ZNF717: variants seen among roughly 807,000 people sequenced by gnomAD.
ZNF717 encodes the protein zinc finger protein 717, also known as krueppel-like factor X17.
A neutral mutation model predicts 13.8 loss-of-function variants in ZNF717; 9 were observed. That is an observed-to-expected ratio of 0.65 (90% CI 0.39 to 1.14). The LOEUF is 1.14. Ranked by LOEUF, ZNF717 falls within the 50% of genes most tolerant of loss-of-function variation. The pLI, the probability that ZNF717 is intolerant of heterozygous loss-of-function variation, is 0.01. For missense variants in ZNF717, 1,040 were observed against 1,080.7 expected (o/e 0.96, Z 0.53); for synonymous variants, 327 against 364.1 (o/e 0.90, Z 1.16).
chr3:75,747,479 T>A (rs1283805881), intron 2 of ZNF717, among the ~76,000 whole-genome samples: 1 of 152,200 alleles, frequency 6.6e-6, no homozygotes, highest in Non-Finnish European at 1.5e-5. Context: ...ATATTGATTC[T>A]TCCTATCCAT....
downstream of ZNF717, among the ~76,000 whole-genome samples, chr3:75,735,487 G>T (rs1321713012): frequency 8.6e-5 from 1 of 11,576 alleles, no homozygotes; most frequent in Non-Finnish European, 1.8e-4. Context: ...CAGGTATTGT[G>T]GTGCATACTT....
Position 75,738,644 on chromosome 3 carries a change from T to G in ZNF717, c.979A>C (p.Ile327Leu). 1 of 1,552,776 alleles carries G rather than the reference T, an allele frequency of 6.4e-7. No individual in the cohort carries two copies. The highest frequency in any genetic ancestry group is 8.7e-7 in the Non-Finnish European group (1 of 1,147,734). Residue 327 changes from isoleucine (I) to leucine (L), a missense_variant, in exon 5 of 5, where the codon ATT becomes CTT. Ile to Leu is a conservative substitution (Grantham distance 5). Coordinates refer to ENST00000652011, the MANE Select transcript of ZNF717 (RefSeq NM_001290208.3). Reference sequence around the variant, plus strand: ...CCTGTGTGAATTCTCTGATGGATAATGAGGCTGGACTTATAGCTGAACAAT... The same window carrying G: ...CCTGTGTGAATTCTCTGATGGATAAGGAGGCTGGACTTATAGCTGAACAAT... ...EKLFSYKSSL[I>L]IHQRIHTGEK...
rs76333414 is a variant in ZNF717 at position 75,738,307 on chromosome 3, G to A, written c.1316C>T (p.Thr439Ile). 1 of 1,546,992 alleles carries A rather than the reference G, an allele frequency of 6.5e-7. No homozygotes were observed. The highest frequency in any genetic ancestry group is 1.2e-5 in the South Asian group (1 of 84,372). The part of the protein sequence containing the change: ...EEAFSHKSRL[T>I]VHQRTHTGEK... ...CCCTGTGTGTGTTCTCTGATGGACA[G>A]TAAGCCTTGACTTATGGCTAAATGC... Residue 439 changes from threonine to isoleucine, a missense_variant, in exon 5 of 5, where the codon ACT (threonine) becomes ATT (isoleucine). Coordinates refer to ENST00000652011, the MANE Select transcript of ZNF717 (RefSeq NM_001290208.3).
At chr3:75,754,459 G>A (rs971334986) in intron 2 of ZNF717, among the ~76,000 whole-genome samples, 1 of 152,004 alleles carries the variant, frequency 6.6e-6, no homozygotes, top group Non-Finnish European at 1.5e-5. Flanking sequence ...TATGCTAAGG[G>A]CTCTAATGAA....
intron 2 of ZNF717, among the ~76,000 whole-genome samples, chr3:75,753,317 C>T (rs1405797571): frequency 1.3e-5 from 2 of 151,692 alleles, no homozygotes; most frequent in Admixed American, 6.6e-5. Context: ...TTGTCCCTCA[C>T]ATAGGATTAC....
chr3:75,736,875 T>A lies in ZNF717; in HGVS notation c.*3A>T. 2 of 1,540,884 alleles carry A rather than the reference T, an allele frequency of 1.3e-6. No individual in the cohort carries two copies. The highest frequency in any genetic ancestry group is 1.8e-6 in the Non-Finnish European group (2 of 1,142,076). ...AGTAGCCAGAGAGGTGTAGGTTGTG[T>A]GTTCAAGGGAAAAAAGAGTGATTTT... On this transcript the variant is annotated 3_prime_UTR_variant, in exon 5 of 5. Coordinates refer to ENST00000652011, the MANE Select transcript of ZNF717 (RefSeq NM_001290208.3).
chr3:75,701,335 C>G (rs1163433264), intron 6 of ZNF717, among the ~76,000 whole-genome samples: 2 of 152,258 alleles, frequency 1.3e-5, no homozygotes, highest in African/African-American at 4.8e-5. Flanking sequence ...GCCTCCCCAG[C>G]CATTTGGAAC....
chr3:75,726,922 C>T (rs1938292958), downstream of ZNF717, among the ~76,000 whole-genome samples: 1 of 152,292 alleles, frequency 6.6e-6, no homozygotes, highest in South Asian at 2.1e-4. Flanking sequence ...AGTCATGTGC[C>T]TCATAATGAA....
chr3:75,737,341 T>C lies in ZNF717; in HGVS notation c.2282A>G (p.Asn761Ser). 1 of 1,552,628 alleles carries C rather than the reference T, an allele frequency of 6.4e-7. No individual in the cohort carries two copies. Among genetic ancestry groups the C allele is most frequent in the East Asian group, 2.4e-5 (1 of 40,940 alleles). The change falls in exon 5 of 5, where the codon AAT becomes AGT. Residue 761 changes from asparagine (N) to serine (S), a missense_variant. Transcript: ENST00000652011. The part of the protein sequence containing the change: ...THTGEKPYEC[N>S]ECGKTFCHKS... ...GTGACAAAAGGTTTTCCCACACTCA[T>C]TACATTCATAAGGTTTTTCTCCGGT...
Position 75,737,993 on chromosome 3 carries a change from A to G in ZNF717, c.1630T>C (p.Tyr544His), listed in dbSNP as rs1402955635. 1 of 1,344,636 alleles carries G rather than the reference A, an allele frequency of 7.4e-7. No individual in the cohort carries two copies. Among genetic ancestry groups the G allele is most frequent in the East Asian group, 3.2e-5 (1 of 31,216 alleles). 83.3% of individuals were successfully genotyped at this position (1,344,636 alleles called of 1,614,324 possible). A position where few individuals can be genotyped will look rare whatever the true frequency, so the allele number is the denominator to read the frequency against. Residue 544 changes from tyrosine (Y) to histidine (H), a missense_variant, in exon 5 of 5, where the codon TAT becomes CAT. Transcript: ENST00000652011. ...ACTGTAAGGTATGACTTGTGGCTAT[A>G]TGTTTTTCCACATTCGTTACATGCG... is the stretch of plus-strand genomic sequence containing the variant. Reference protein sequence around the residue: ...PYACNECGKTYSHKSYLTVHH... With the variant: ...PYACNECGKTHSHKSYLTVHH...
chr3:75,758,112 C>CAAAAA (rs111361124), intron 2 of ZNF717, among the ~76,000 whole-genome samples: 10 of 64,542 alleles, frequency 1.5e-4, no homozygotes, highest in Admixed American at 4.7e-4. Context: ...GACTCCATCT[C>CAAAAA]AAAAAAAAAA....
chr3:75,746,594 T>C (rs1476777790), intron 2 of ZNF717, among the ~76,000 whole-genome samples: 5 of 152,198 alleles, frequency 3.3e-5, no homozygotes, highest in Non-Finnish European at 7.3e-5. Flanking sequence ...TGAGATGATA[T>C]CTCATTGTGA....
rs569505382 is a variant in ZNF717, at chr3:75,764,275, T to C, written c.57+19031A>G. On this transcript the variant is annotated intron_variant, in intron 2 of 4. Transcript: ENST00000652011. The stretch of plus-strand genomic sequence containing the variant: ...CCAGATGGGAGCCGTGAAACACAAA[T>C]CCTCCATGGTCAGTTCCGTATCTGT... Among the ~76,000 whole-genome samples, 25 of 151,958 alleles carry C rather than the reference T, an allele frequency of 1.6e-4. No homozygotes were observed. In the East Asian group the frequency reaches 3.5e-3, roughly 21 times the overall value.
At chr3:75,777,035 G>T (rs62269663) in intron 2 of ZNF717, among the ~76,000 whole-genome samples, 8 of 147,544 alleles carry the variant, frequency 5.4e-5, no homozygotes, top group African/African-American at 2.0e-4. Flanking sequence ...CCCAGTAGTC[G>T]TAAGAGTCTC....
intron 2 of ZNF717, among the ~76,000 whole-genome samples, chr3:75,747,109 GT>G (rs1941254031): frequency 6.6e-6 from 1 of 152,030 alleles, no homozygotes. Context: ...ACCACCATTT[GT>G]TAAATAGGGA....
downstream of ZNF717, among the ~76,000 whole-genome samples, chr3:75,728,022 C>G (rs1433996106): frequency 6.6e-6 from 1 of 151,570 alleles, no homozygotes; most frequent in African/African-American, 2.4e-5. Context: ...CCAATAAAAC[C>G]TCACATGTGG....
intron 2 of ZNF717, among the ~76,000 whole-genome samples, chr3:75,748,312 A>G (rs1941365206): frequency 6.6e-6 from 1 of 152,174 alleles, no homozygotes. Context: ...CAATAGAAAA[A>G]GAGGGAATCC....
intron 2 of ZNF717, among the ~76,000 whole-genome samples, chr3:75,746,920 A>G: frequency 6.6e-6 from 1 of 152,122 alleles, no homozygotes; most frequent in Admixed American, 6.5e-5. Flanking sequence ...TTGGTGTTTT[A>G]GACATGAAGT....
At chr3:75,745,158 T>C (rs2107275184) in intron 2 of ZNF717, among the ~76,000 whole-genome samples, 1 of 145,604 alleles carries the variant, frequency 6.9e-6, no homozygotes, top group East Asian at 1.9e-4. Flanking sequence ...GGTCTGTTGT[T>C]TTTTTTTTTC....
Sources: allele counts gnomAD v4.1 joint callset (sites outside exome capture counted in the v4.1 genomes callset), GRCh38; gene constraint gnomAD v4.1.1; transcripts MANE v1.5; gene names NCBI Gene and HGNC (gene_info 2026-07-23, HGNC 2026-07-21).